Variants in THSD7A observed in about 807,000 individuals in gnomAD.
THSD7A encodes the protein thrombospondin type 1 domain containing 7A.
THSD7A carries 96 observed loss-of-function variants against 231.3 expected under a neutral mutation model. That is an observed-to-expected ratio of 0.41 (90% CI 0.35 to 0.49). The LOEUF is 0.49. Among genes scored for constraint, THSD7A ranks in the 20% least tolerant of loss-of-function variants. The pLI is 0.05. For missense variants in THSD7A, 2,290 were observed against 2,070.2 expected (o/e 1.11, Z -2.06); for synonymous variants, 940 against 743.3 (o/e 1.26, Z -4.30).
At chr7:11,704,967 G>T (rs1780717719) in intron 1 of THSD7A, among the ~76,000 whole-genome samples, 1 of 151,004 alleles carries the variant, frequency 6.6e-6, no homozygotes, top group Non-Finnish European at 1.5e-5. Flanking sequence ...ATGTTTAATG[G>T]CTGCACCATA....
chr7:11,668,021 G>T (rs1783214595), intron 1 of THSD7A, among the ~76,000 whole-genome samples: 1 of 152,108 alleles, frequency 6.6e-6, no homozygotes, highest in Non-Finnish European at 1.5e-5. Flanking sequence ...AAGCTGAAGT[G>T]GTATTTCCAA....
chr7:11,667,521 T>C (rs927571006), intron 1 of THSD7A, among the ~76,000 whole-genome samples: 5 of 152,222 alleles, frequency 3.3e-5, no homozygotes, highest in Non-Finnish European at 7.4e-5. Flanking sequence ...ATAATACATA[T>C]TAAATTACTA....
intron 7 of THSD7A, among the ~76,000 whole-genome samples, chr7:11,477,087 C>A (rs1217131773): frequency 6.6e-6 from 1 of 152,078 alleles, no homozygotes; most frequent in African/African-American, 2.4e-5. Flanking sequence ...AAGTTATGAC[C>A]ATTGAATCCT....
chr7:11,797,947 T>C (rs1351169407), intron 1 of THSD7A, among the ~76,000 whole-genome samples: 1 of 152,156 alleles, frequency 6.6e-6, no homozygotes, highest in Non-Finnish European at 1.5e-5. Flanking sequence ...ATATTTTAAA[T>C]AACTTGTCAG....
intron 1 of THSD7A, among the ~76,000 whole-genome samples, chr7:11,729,273 TGG>T (rs1457450415): frequency 1.3e-5 from 2 of 151,798 alleles, no homozygotes; most frequent in Non-Finnish European, 2.9e-5. Flanking sequence ...AAAAGATGTG[TGG>T]AGGAAGTTAT....
At chr7:11,671,334 G>A (rs1783384161) in intron 1 of THSD7A, among the ~76,000 whole-genome samples, 1 of 152,016 alleles carries the variant, frequency 6.6e-6, no homozygotes, top group African/African-American at 2.4e-5. Flanking sequence ...TTATTTTTCA[G>A]TCCCAGGCAC....
chr7:11,680,751 T>C (rs1214776223), intron 1 of THSD7A, among the ~76,000 whole-genome samples: 1 of 152,022 alleles, frequency 6.6e-6, no homozygotes. Flanking sequence ...ACAGTGTCAG[T>C]GGGTGTGTAA....
intron 2 of THSD7A, among the ~76,000 whole-genome samples, chr7:11,625,472 C>T (rs1211317990): frequency 1.3e-5 from 2 of 151,894 alleles, no homozygotes; most frequent in African/African-American, 4.8e-5. Flanking sequence ...ATATCAGTGA[C>T]CACATATTTG....
At chr7:11,426,459 G>A (rs1382544172) in intron 15 of THSD7A, among the ~76,000 whole-genome samples, 1 of 152,138 alleles carries the variant, frequency 6.6e-6, no homozygotes, top group Non-Finnish European at 1.5e-5. Context: ...ATATTACAAT[G>A]AGGGATATGA....
rs149081170 is a variant in THSD7A at position 11,484,354 on chromosome 7, G to C, written c.1823-2372C>G. Among the ~76,000 whole-genome samples, 685 of 151,924 alleles carry C rather than the reference G, an allele frequency of 4.5e-3. 4 individuals carry two copies. The highest frequency in any genetic ancestry group is 0.015 in the African/African-American group (629 of 41,428). On this transcript the variant is annotated intron_variant, in intron 6 of 27. Transcript: ENST00000423059. ...AGCCCATTGTTGTCTCAGCAGTTTT[G>C]CACTTTCTCTTCACTTTGTATGAAA...
intron 11 of THSD7A, among the ~76,000 whole-genome samples, chr7:11,450,589 G>A (rs1433487301): frequency 3.3e-5 from 5 of 151,954 alleles, no homozygotes; most frequent in African/African-American, 1.2e-4. Context: ...AAATATAAAT[G>A]TTTGGAAAGG....
intron 8 of THSD7A, among the ~76,000 whole-genome samples, chr7:11,472,906 T>G (rs1191280973): frequency 6.6e-6 from 1 of 152,174 alleles, no homozygotes; most frequent in Non-Finnish European, 1.5e-5. Flanking sequence ...TTTCTACCTT[T>G]GTTCTTGATC....
intron 2 of THSD7A, among the ~76,000 whole-genome samples, chr7:11,600,207 A>G (rs1273158888): frequency 6.6e-6 from 1 of 152,110 alleles, no homozygotes; most frequent in African/African-American, 2.4e-5. Context: ...AAAAATTAAT[A>G]TGTGCCTAAA....
At chr7:11,727,070 C>T (rs934730179) in intron 1 of THSD7A, among the ~76,000 whole-genome samples, 118 of 151,990 alleles carry the variant, frequency 7.8e-4, no homozygotes, top group African/African-American at 2.7e-3. Flanking sequence ...TTTAATCTTA[C>T]ACCCCTGGTG....
At chr7:11,423,410 C>T (rs904785340) in intron 16 of THSD7A, among the ~76,000 whole-genome samples, 1 of 149,486 alleles carries the variant, frequency 6.7e-6, no homozygotes, top group Admixed American at 6.7e-5. Context: ...GCTCTGTCCC[C>T]CAGGCTGGAG....
chr7:11,825,060 T>A lies in THSD7A; in HGVS notation c.190+6697A>T, dbSNP rs536383814. Among the ~76,000 whole-genome samples, 144 of 151,758 alleles carry A rather than the reference T, an allele frequency of 9.5e-4. 2 individuals are homozygous for A. Among genetic ancestry groups the A allele is most frequent in the Admixed American group, 3.4e-3 (52 of 15,222 alleles). On this transcript the variant is annotated intron_variant, in intron 1 of 27. Coordinates refer to ENST00000423059, the MANE Select transcript of THSD7A (RefSeq NM_015204.3). ...ATAATACAATAATTTTTCTATATAT[T>A]TTTTTTTGTCTTTCATGCTGTCCTT...
intron 6 of THSD7A, among the ~76,000 whole-genome samples, chr7:11,513,370 AAAAC>A (rs1787899249): frequency 2.0e-5 from 3 of 152,058 alleles, no homozygotes; most frequent in Non-Finnish European, 4.4e-5. Context: ...AAAAAACCAA[AAAAC>A]AAATTAGTCA....
chr7:11,800,118 G>C (rs958142869), intron 1 of THSD7A, among the ~76,000 whole-genome samples: 4 of 152,298 alleles, frequency 2.6e-5, no homozygotes, highest in African/African-American at 9.6e-5. Flanking sequence ...GAGGAGTCGA[G>C]CACTTGAGAC....
chr7:11,533,326 A>G (rs1788781629), intron 6 of THSD7A, among the ~76,000 whole-genome samples: 1 of 152,140 alleles, frequency 6.6e-6, no homozygotes, highest in African/African-American at 2.4e-5. Flanking sequence ...AAAATTCAAG[A>G]GCTCAGAATG....
Sources: allele counts gnomAD v4.1 joint callset (sites outside exome capture counted in the v4.1 genomes callset), GRCh38; gene constraint gnomAD v4.1.1; transcripts MANE v1.5; gene names NCBI Gene and HGNC (gene_info 2026-07-23, HGNC 2026-07-21).